Variants in TRDN observed in about 807,000 individuals in gnomAD.
TRDN encodes triadin, also known as triadin in skeletal muscle.
TRDN carries 161 observed loss-of-function variants against 149.7 expected under a neutral mutation model. The ratio of observed to expected loss-of-function variants is 1.08; its 90% CI spans 0.95 to 1.23. The LOEUF (loss-of-function observed/expected upper bound fraction) is 1.23, where lower values mean the gene tolerates loss of function less well. Among genes scored for constraint, TRDN ranks in the 50% most tolerant of loss-of-function variants. The pLI is 0.00. For missense variants in TRDN, 896 were observed against 823.5 expected, an observed-to-expected ratio of 1.09 and a Z score of -1.08; for synonymous variants, 294 against 250.5, an observed-to-expected ratio of 1.17 and a Z score of -1.64.
chr6:123,258,669 T>G (rs951720229), intron 35 of TRDN, among the ~76,000 whole-genome samples: 1 of 152,140 alleles, frequency 6.6e-6, no homozygotes, highest in Non-Finnish European at 1.5e-5. Flanking sequence ...TTAGGGAGGA[T>G]TCCCTCTTTT....
chr6:123,360,720 GGAGA>G (rs71541228), intron 20 of TRDN, among the ~76,000 whole-genome samples: 6 of 143,056 alleles, frequency 4.2e-5, no homozygotes, highest in Non-Finnish European at 6.0e-5. Flanking sequence ...AGAGAGAGAC[GGAGA>G]GAGAGAGAGA....
intron 12 of TRDN, among the ~76,000 whole-genome samples, chr6:123,410,992 G>T (rs1773412382): frequency 6.6e-6 from 1 of 151,152 alleles, no homozygotes; most frequent in African/African-American, 2.4e-5. Flanking sequence ...GCAGAAGAGT[G>T]CCTGGTGTGT....
At chr6:123,568,684 C>A (rs933173458) in intron 2 of TRDN, among the ~76,000 whole-genome samples, 1 of 152,192 alleles carries the variant, frequency 6.6e-6, no homozygotes, top group African/African-American at 2.4e-5. Flanking sequence ...TAAGCCACAG[C>A]TGGACCCAGA....
intron 38 of TRDN, among the ~76,000 whole-genome samples, chr6:123,233,443 C>A (rs981729927): frequency 6.6e-6 from 1 of 152,074 alleles, no homozygotes; most frequent in Non-Finnish European, 1.5e-5. Context: ...CAGGAGTGTT[C>A]AATGAATGTA....
At chr6:123,339,005 A>AG (rs200615275) in intron 21 of TRDN, among the ~76,000 whole-genome samples, 6 of 151,934 alleles carry the variant, frequency 3.9e-5, no homozygotes, top group South Asian at 4.2e-4. Context: ...TAGATGTATT[A>AG]GGGGTTTTTT....
chr6:123,512,687 G>A (rs988079433), intron 6 of TRDN, among the ~76,000 whole-genome samples: 1 of 152,220 alleles, frequency 6.6e-6, no homozygotes, highest in South Asian at 2.1e-4. Flanking sequence ...CAAAAAATAT[G>A]TCATTATGTG....
intron 12 of TRDN, among the ~76,000 whole-genome samples, chr6:123,394,485 C>A (rs141667513): frequency 6.6e-6 from 1 of 152,070 alleles, no homozygotes; most frequent in South Asian, 2.1e-4. Flanking sequence ...AAGATTGGGT[C>A]ATTTGTTTTA....
Position 123,216,477 on chromosome 6 carries a change from G to A in TRDN, c.*2124C>T, listed in dbSNP as rs1298734566. 6.6e-6 allele frequency: 1 copy of A among 151,844 alleles called. No individual in the cohort carries two copies. Among genetic ancestry groups the A allele is most frequent in the African/African-American group, 2.4e-5 (1 of 41,388 alleles). 9.4% of individuals were successfully genotyped at this position (151,844 alleles called of 1,614,324 possible). ...TTATTAACATTTTTACATTATAGCTGATTTGTCTAAATTCTAATTACAATA... is the reference window on the plus strand; with the variant it reads ...TTATTAACATTTTTACATTATAGCTAATTTGTCTAAATTCTAATTACAATA... On this transcript the variant is annotated 3_prime_UTR_variant, in exon 41 of 41. Coordinates refer to ENST00000334268, the MANE Select transcript of TRDN (RefSeq NM_006073.4).
intron 24 of TRDN, among the ~76,000 whole-genome samples, chr6:123,294,170 C>G (rs2114656430): frequency 6.6e-6 from 1 of 152,200 alleles, no homozygotes; most frequent in East Asian, 1.9e-4. Context: ...ACATGCTACA[C>G]ATATATTAAC....
intron 2 of TRDN, among the ~76,000 whole-genome samples, chr6:123,568,052 C>T (rs559110846): frequency 4.6e-4 from 70 of 152,290 alleles, no homozygotes; most frequent in Admixed American, 4.5e-3. Flanking sequence ...AGGGTATAGG[C>T]ATTGGGTAAA....
At chr6:123,465,618 A>G (rs959482625) in intron 9 of TRDN, among the ~76,000 whole-genome samples, 1 of 150,718 alleles carries the variant, frequency 6.6e-6, no homozygotes, top group African/African-American at 2.4e-5. Context: ...AGAGAGAGAG[A>G]AAGAAAGAAA....
chr6:123,333,656 G>A (rs1268311946), intron 22 of TRDN, among the ~76,000 whole-genome samples: 1 of 151,946 alleles, frequency 6.6e-6, no homozygotes, highest in Admixed American at 6.6e-5. Context: ...ACTACCCAAG[G>A]AAGTGAGGAG....
chr6:123,474,618 A>G (rs1279048465), intron 9 of TRDN, among the ~76,000 whole-genome samples: 7 of 152,178 alleles, frequency 4.6e-5, no homozygotes, highest in African/African-American at 1.7e-4. Context: ...TCAACAGAAT[A>G]TACATTTTTT....
chr6:123,254,786 T>G (rs1776496462), intron 37 of TRDN, among the ~76,000 whole-genome samples: 1 of 152,050 alleles, frequency 6.6e-6, no homozygotes, highest in Non-Finnish European at 1.5e-5. Context: ...CCATATTACT[T>G]TTGACATTAT....
At chr6:123,553,623 G>A (rs1583233169) in intron 2 of TRDN, among the ~76,000 whole-genome samples, 2 of 152,226 alleles carry the variant, frequency 1.3e-5, no homozygotes, top group Admixed American at 6.5e-5. Flanking sequence ...GAGGTATAAT[G>A]GATTCACAGT....
Position 123,241,431 on chromosome 6 carries a change from A to T in TRDN, c.1975+10981T>A, listed in dbSNP as rs185958560. 6.6e-4 allele frequency among the ~76,000 whole-genome samples: 100 copies of T among 151,704 alleles called. 1 individual carries two copies. The highest frequency in any genetic ancestry group is 2.7e-3 in the East Asian group (14 of 5,148). ...TGAAATCTGTATTTAATTTTATCTT[A>T]TGCTTAAATTTCAGACTAATTTTCA... On this transcript the variant is annotated intron_variant, in intron 38 of 40. Coordinates refer to ENST00000334268, the MANE Select transcript of TRDN (RefSeq NM_006073.4).
chr6:123,528,333 C>T (rs181785746), intron 5 of TRDN, among the ~76,000 whole-genome samples: 2 of 151,080 alleles, frequency 1.3e-5, no homozygotes, highest in East Asian at 2.0e-4. Flanking sequence ...AAGGCTCTCC[C>T]GATGAGTTCC....
At chr6:123,265,200 A>G (rs1582795588) in intron 33 of TRDN, 118 bp downstream of exon 33, 1 of 739,702 alleles carries the variant, frequency 1.4e-6, no homozygotes, top group East Asian at 3.2e-5. Flanking sequence ...GTAATAGTAT[A>G]ATGGCTATTA....
At position 123,375,589 on chromosome 6, in the gene TRDN, A is replaced by AT; in HGVS notation, c.1273+15dup. The AT allele has an allele frequency of 6.5e-7, 1 of 1,532,596 alleles. No individual in the cohort carries two copies. Among genetic ancestry groups the AT allele is most frequent in the South Asian group, 1.2e-5 (1 of 81,270 alleles). 94.9% of individuals were successfully genotyped at this position (1,532,596 alleles called of 1,614,324 possible). On this transcript the variant is annotated intron_variant, in intron 19 of 40. Transcript: ENST00000334268. Reference sequence around the variant, plus strand: ...TGCCCAAATATGCTCTTCTTTAAAAATTTTGTTCAACATACTTGCTTTTAC... The same window carrying AT: ...TGCCCAAATATGCTCTTCTTTAAAAATTTTTGTTCAACATACTTGCTTTTAC...
Sources: gnomAD v4.1 joint callset for allele counts (sites outside exome capture counted in the v4.1 genomes callset) on GRCh38, gnomAD v4.1.1 for gene constraint, MANE v1.5 for transcripts, NCBI Gene and HGNC (gene_info 2026-07-23, HGNC 2026-07-21) for gene names.